Variants in DEPDC1B observed in about 807,000 individuals in gnomAD.
DEPDC1B encodes DEP domain containing 1B.
Under a neutral mutation model 66.5 loss-of-function variants are expected in DEPDC1B, and 51 were observed. That is an observed-to-expected ratio of 0.77 (90% CI 0.61 to 0.97). The LOEUF (loss-of-function observed/expected upper bound fraction) is 0.97, where lower values mean the gene tolerates loss of function less well. Among genes scored for constraint, DEPDC1B ranks in the 50% least tolerant of loss-of-function variants. DEPDC1B has a pLI of 0.00. For missense variants in DEPDC1B, 552 were observed against 637.1 expected (o/e 0.87, Z 1.44); for synonymous variants, 226 against 223.6 (o/e 1.01, Z -0.10).
intron 7 of DEPDC1B, among the ~76,000 whole-genome samples, chr5:60,612,059 T>C (rs118017587): frequency 2.0e-5 from 3 of 152,156 alleles, no homozygotes; most frequent in Non-Finnish European, 4.4e-5. Flanking sequence ...TAGGGGCTAA[T>C]ACAGCTGGTG....
At chr5:60,662,598 AT>A (rs367621370) in intron 2 of DEPDC1B, among the ~76,000 whole-genome samples, 57 of 152,302 alleles carry the variant, frequency 3.7e-4, no homozygotes, top group African/African-American at 1.3e-3. Context: ...AGCAAATCGA[AT>A]GCCTAATAGG....
chr5:60,688,404 C>T lies in DEPDC1B; in HGVS notation c.49-1177G>A, dbSNP rs1281091508. On this transcript the variant is annotated intron_variant, in intron 1 of 10. Coordinates refer to ENST00000265036, the MANE Select transcript of DEPDC1B (RefSeq NM_018369.3). ...AGTCAAACACTGCTGGGTTGAGAGG[C>T]CTATTCTACAACAGACCAGCAGGGC... is the stretch of plus-strand genomic sequence containing the variant. Among the ~76,000 whole-genome samples the T allele has an allele frequency of 7.2e-5, 11 of 152,216 alleles. No homozygotes were observed. In the East Asian group the frequency reaches 1.9e-3, roughly 27 times the overall value.
chr5:60,690,357 G>A (rs1051254360), intron 1 of DEPDC1B, among the ~76,000 whole-genome samples: 2 of 152,052 alleles, frequency 1.3e-5, no homozygotes, highest in African/African-American at 2.4e-5. Context: ...GAAGAAAAAC[G>A]TACAAAACAC....
chr5:60,695,130 ATC>A (rs1366075938), intron 1 of DEPDC1B, among the ~76,000 whole-genome samples: 25 of 152,074 alleles, frequency 1.6e-4, no homozygotes, highest in African/African-American at 6.0e-4. Flanking sequence ...GAGGCAGGGG[ATC>A]TCTATTTTTT....
At chr5:60,668,362 C>T (rs1033315455) in intron 2 of DEPDC1B, among the ~76,000 whole-genome samples, 4 of 149,818 alleles carry the variant, frequency 2.7e-5, no homozygotes, top group Non-Finnish European at 5.9e-5. Flanking sequence ...GCAACCTCCG[C>T]CTCCCAGGTT....
intron 1 of DEPDC1B, among the ~76,000 whole-genome samples, chr5:60,692,032 A>G (rs749575658): frequency 1.3e-5 from 2 of 152,244 alleles, no homozygotes; most frequent in Non-Finnish European, 2.9e-5. Flanking sequence ...TGTCATTTGC[A>G]ACGACATGGA....
chr5:60,649,811 GA>G (rs1270030843), intron 2 of DEPDC1B, among the ~76,000 whole-genome samples: 1 of 151,954 alleles, frequency 6.6e-6, no homozygotes, highest in East Asian at 1.9e-4. Flanking sequence ...AGACATTAAA[GA>G]AGAACTAAAT....
intron 7 of DEPDC1B, among the ~76,000 whole-genome samples, chr5:60,622,812 T>C (rs1410767926): frequency 6.6e-6 from 1 of 152,236 alleles, no homozygotes. Flanking sequence ...CATGTGCTTA[T>C]GAGTATTTCA....
intron 7 of DEPDC1B, among the ~76,000 whole-genome samples, chr5:60,626,267 T>G (rs1298246335): frequency 1.3e-5 from 2 of 152,206 alleles, no homozygotes; most frequent in Non-Finnish European, 2.9e-5. Context: ...TGCATTCCTT[T>G]TTATGGCTGA....
intron 2 of DEPDC1B, among the ~76,000 whole-genome samples, chr5:60,679,058 G>A (rs190670924): frequency 6.6e-6 from 1 of 152,216 alleles, no homozygotes; most frequent in Admixed American, 6.5e-5. Flanking sequence ...ACTAATATTT[G>A]TATGAAGTAT....
chr5:60,679,047 A>T (rs985255349), intron 2 of DEPDC1B, among the ~76,000 whole-genome samples: 1 of 152,228 alleles, frequency 6.6e-6, no homozygotes, highest in Non-Finnish European at 1.5e-5. Flanking sequence ...ATCCACTTTG[A>T]ACTAATATTT....
At chr5:60,614,017 C>T (rs1045662826) in intron 7 of DEPDC1B, among the ~76,000 whole-genome samples, 1 of 152,160 alleles carries the variant, frequency 6.6e-6, no homozygotes, top group Non-Finnish European at 1.5e-5. Context: ...CTTACAGGAA[C>T]CATTCTCTGC....
At chr5:60,605,318 CA>C (rs967244535) in intron 8 of DEPDC1B, among the ~76,000 whole-genome samples, 10 of 151,926 alleles carry the variant, frequency 6.6e-5, no homozygotes, top group African/African-American at 1.5e-4. Context: ...GATCTCATTA[CA>C]AAAAAATGAT....
chr5:60,663,007 G>C (rs1753754685), intron 2 of DEPDC1B, among the ~76,000 whole-genome samples: 1 of 152,130 alleles, frequency 6.6e-6, no homozygotes, highest in South Asian at 2.1e-4. Flanking sequence ...AGTTATGATT[G>C]GGGAACTTCA....
chr5:60,677,326 A>ACACACACACTCTCTCTCTCT (rs770640655), intron 2 of DEPDC1B, among the ~76,000 whole-genome samples: 12 of 108,522 alleles, frequency 1.1e-4, no homozygotes, highest in African/African-American at 4.4e-4. Context: ...ACACACACAC[A>ACACACACACTCTCTCTCTCT]CTCTCTCTCT....
intron 7 of DEPDC1B, among the ~76,000 whole-genome samples, chr5:60,633,847 A>G (rs976494355): frequency 6.6e-6 from 1 of 152,218 alleles, no homozygotes; most frequent in African/African-American, 2.4e-5. Context: ...GTAATTTCAC[A>G]TTAATGCAGG....
chr5:60,672,980 CTTT>C (rs1465576590), intron 2 of DEPDC1B, among the ~76,000 whole-genome samples: 1 of 152,150 alleles, frequency 6.6e-6, no homozygotes, highest in Non-Finnish European at 1.5e-5. Context: ...CTTTGAACTT[CTTT>C]GTCAATAAAT....
At chr5:60,647,334 C>T in intron 3 of DEPDC1B, 64 bp downstream of exon 3, 1 of 1,518,746 alleles carries the variant, frequency 6.6e-7, no homozygotes, top group Non-Finnish European at 8.8e-7. Flanking sequence ...AAAGACCAAG[C>T]CTAGGAGTTC....
At chr5:60,600,387 A>AT (rs1752179577) in intron 9 of DEPDC1B, among the ~76,000 whole-genome samples, 1 of 152,228 alleles carries the variant, frequency 6.6e-6, no homozygotes, top group Admixed American at 6.5e-5. Flanking sequence ...GATGAGGATC[A>AT]TAGAAGGCTT....
Sources: gnomAD v4.1 joint callset for allele counts (sites outside exome capture counted in the v4.1 genomes callset) on GRCh38, gnomAD v4.1.1 for gene constraint, MANE v1.5 for transcripts, NCBI Gene and HGNC (gene_info 2026-07-23, HGNC 2026-07-21) for gene names.